PHLPP1: variants seen among roughly 807,000 people sequenced by gnomAD.
PHLPP1 encodes PH domain and leucine rich repeat protein phosphatase 1.
PHLPP1 carries 42 observed loss-of-function variants against 117.2 expected under a neutral mutation model. That is an observed-to-expected ratio of 0.36 (90% CI 0.28 to 0.46). PHLPP1 has a LOEUF of 0.46. Among genes scored for constraint, PHLPP1 ranks in the 20% least tolerant of loss-of-function variants. The pLI is 1.00. For missense variants in PHLPP1, 2,084 were observed against 2,241.9 expected (o/e 0.93, Z 1.42); for synonymous variants, 1,042 against 970.7 (o/e 1.07, Z -1.37).
chr18:62,964,338 A>G (rs1298782809), intron 14 of PHLPP1, among the ~76,000 whole-genome samples: 2 of 152,212 alleles, frequency 1.3e-5, no homozygotes, highest in African/African-American at 4.8e-5. Context: ...ATGTTTTAAA[A>G]TCTCCCCCAG....
chr18:62,726,817 C>T (rs1056964951), intron 1 of PHLPP1, among the ~76,000 whole-genome samples: 2 of 151,754 alleles, frequency 1.3e-5, no homozygotes, highest in African/African-American at 2.4e-5. Flanking sequence ...CTCCTGAGCT[C>T]AGGTGATCCA....
chr18:62,736,817 T>C (rs1415306818), intron 1 of PHLPP1, among the ~76,000 whole-genome samples: 1 of 152,188 alleles, frequency 6.6e-6, no homozygotes, highest in Non-Finnish European at 1.5e-5. Context: ...CTGGTTACCA[T>C]ATGTGTGGTA....
chr18:62,728,250 G>C (rs933826380), intron 1 of PHLPP1, among the ~76,000 whole-genome samples: 2 of 151,190 alleles, frequency 1.3e-5, no homozygotes, highest in African/African-American at 4.9e-5. Context: ...AGCCGAGATG[G>C]TGCCACTGCA....
At chr18:62,902,913 T>C (rs1916758700) in intron 6 of PHLPP1, 51 bp from the exon 7 acceptor site, 1 of 1,103,638 alleles carries the variant, frequency 9.1e-7, no homozygotes, top group Non-Finnish European at 1.4e-6. Context: ...GTGTGCCCAT[T>C]TACTTATAGC....
intron 1 of PHLPP1, among the ~76,000 whole-genome samples, chr18:62,801,204 T>A (rs1177884644): frequency 6.7e-6 from 1 of 149,926 alleles, no homozygotes; most frequent in African/African-American, 2.5e-5. Context: ...GCCCACACCC[T>A]GCTAGTTTTT....
intron 13 of PHLPP1, among the ~76,000 whole-genome samples, chr18:62,959,930 A>G (rs1910717718): frequency 6.6e-6 from 1 of 152,156 alleles, no homozygotes; most frequent in Non-Finnish European, 1.5e-5. Flanking sequence ...TCCATTGTTG[A>G]TCACATGTAT....
intron 4 of PHLPP1, among the ~76,000 whole-genome samples, chr18:62,891,339 A>G (rs1599105176): frequency 6.6e-6 from 1 of 152,222 alleles, no homozygotes; most frequent in African/African-American, 2.4e-5. Context: ...TGTAATCCCA[A>G]CAGTTTGGGA....
chr18:62,896,365 T>A (rs1207767103), intron 6 of PHLPP1, among the ~76,000 whole-genome samples: 1 of 151,156 alleles, frequency 6.6e-6, no homozygotes, highest in Admixed American at 6.6e-5. Context: ...GATCTCGGCT[T>A]ACTGCAAGCT....
chr18:62,740,432 T>C (rs1257089884), intron 1 of PHLPP1, among the ~76,000 whole-genome samples: 1 of 152,206 alleles, frequency 6.6e-6, no homozygotes, highest in East Asian at 1.9e-4. Context: ...TAAATCTGTT[T>C]ATAAAGTGAA....
At chr18:62,915,973 C>G (rs1909258535) in intron 9 of PHLPP1, among the ~76,000 whole-genome samples, 1 of 152,146 alleles carries the variant, frequency 6.6e-6, no homozygotes, top group African/African-American at 2.4e-5. Context: ...TATGTGTAGT[C>G]AGAAACATCA....
chr18:62,860,527 T>C lies in PHLPP1; in HGVS notation c.1992T>C (p.His664=). The part of the protein sequence containing the change: ...ANLFYSQDLT[H]LNLKQNFLRQ... ...TCTTCTACAGCCAAGACCTCACTCATCTCAATTTAAAACAAAACTTCCTAA... is the reference window on the plus strand; with the variant it reads ...TCTTCTACAGCCAAGACCTCACTCACCTCAATTTAAAACAAAACTTCCTAA... Residue 664 remains histidine, a synonymous_variant, in exon 4 of 17, where the codon CAT becomes CAC. Transcript: ENST00000262719. The C allele has an allele frequency of 6.2e-7, 1 of 1,613,848 alleles. No homozygotes were observed. The highest frequency in any genetic ancestry group is 8.5e-7 in the Non-Finnish European group (1 of 1,179,822).
At chr18:62,720,889 GT>G (rs1910893332) in intron 1 of PHLPP1, among the ~76,000 whole-genome samples, 1 of 152,088 alleles carries the variant, frequency 6.6e-6, no homozygotes, top group South Asian at 2.1e-4. Context: ...TTCAAAAACA[GT>G]GTTAAGGAGG....
rs146349488 is a variant in PHLPP1, at chr18:62,940,722, G to C, written c.2961-996G>C. 2.2e-4 allele frequency among the ~76,000 whole-genome samples: 34 copies of C among 152,142 alleles called. No homozygotes were observed. The East Asian group carries it at 5.8e-3, about 26-fold the overall frequency. The stretch of plus-strand genomic sequence containing the variant: ...GTGGCAGCAATATATTATCTTGTTT[G>C]TTTGTTTTAATGTAAAATTTATTTA... On this transcript the variant is annotated intron_variant, in intron 10 of 16. Transcript: ENST00000262719.
chr18:62,774,001 A>G (rs1167623493), intron 1 of PHLPP1, among the ~76,000 whole-genome samples: 2 of 152,160 alleles, frequency 1.3e-5, no homozygotes, highest in Non-Finnish European at 2.9e-5. Flanking sequence ...TGCCCTCACA[A>G]CATCATCACC....
chr18:62,800,187 AC>A (rs773565713), intron 1 of PHLPP1, among the ~76,000 whole-genome samples: 17 of 151,842 alleles, frequency 1.1e-4, no homozygotes, highest in Non-Finnish European at 2.4e-4. Flanking sequence ...TTCTCTCCCC[AC>A]CCCCCACTGG....
chr18:62,919,188 C>G (rs1188127065), intron 9 of PHLPP1, among the ~76,000 whole-genome samples: 1 of 152,094 alleles, frequency 6.6e-6, no homozygotes, highest in Non-Finnish European at 1.5e-5. Flanking sequence ...TGTTTAAACC[C>G]AGGGCCTGTT....
rs186223172 is a variant in PHLPP1, at chr18:62,923,632, T to C, written c.2960+3518T>C. ...CCAAATTATTGCCTTTAAAGGTTAA[T>C]ACTTAGCCTCTTTGCACAACCTCAA... On this transcript the variant is annotated intron_variant, in intron 10 of 16. Coordinates refer to ENST00000262719, the MANE Select transcript of PHLPP1 (RefSeq NM_194449.4). 3.3e-5 allele frequency among the ~76,000 whole-genome samples: 5 copies of C among 152,322 alleles called. No homozygotes were observed. The East Asian group carries it at 7.7e-4, about 23-fold the overall frequency.
At chr18:62,875,338 T>C (rs1916020801) in intron 4 of PHLPP1, among the ~76,000 whole-genome samples, 1 of 152,208 alleles carries the variant, frequency 6.6e-6, no homozygotes, top group African/African-American at 2.4e-5. Flanking sequence ...TTGTTTTTCT[T>C]AACATTCTCC....
intron 1 of PHLPP1, among the ~76,000 whole-genome samples, chr18:62,733,975 A>G (rs1911297206): frequency 6.6e-6 from 1 of 152,152 alleles, no homozygotes; most frequent in Non-Finnish European, 1.5e-5. Context: ...CTCTATTTGT[A>G]TTATAGTTTG....
Sources: allele counts gnomAD v4.1 joint callset (sites outside exome capture counted in the v4.1 genomes callset), GRCh38; gene constraint gnomAD v4.1.1; transcripts MANE v1.5; gene names NCBI Gene and HGNC (gene_info 2026-07-23, HGNC 2026-07-21).